The following ANKMY1 variants were observed in gnomAD, a reference collection of about 807,000 sequenced individuals.
The protein encoded by ANKMY1 is ankyrin repeat and MYND domain containing 1.
In ANKMY1, 98 loss-of-function variants were observed where a neutral mutation model predicts 102.0. That is an observed-to-expected ratio of 0.96 (90% CI 0.82 to 1.14). The LOEUF (loss-of-function observed/expected upper bound fraction) is 1.14, where lower values mean the gene tolerates loss of function less well. ANKMY1 is among the 50% of genes most tolerant of loss of function. ANKMY1 has a pLI of 0.00. For missense variants in ANKMY1, 1,330 were observed against 1,347.6 expected, an observed-to-expected ratio of 0.99 and a Z score of 0.20; for synonymous variants, 582 against 559.9, an observed-to-expected ratio of 1.04 and a Z score of -0.56.
intron 10 of ANKMY1, among the ~76,000 whole-genome samples, chr2:240,512,239 C>T (rs554210300): frequency 1.3e-5 from 2 of 152,372 alleles, no homozygotes; most frequent in African/African-American, 2.4e-5. Flanking sequence ...ACGTCCCCCA[C>T]GCAGTGGGTG....
chr2:240,526,664 G>C, intron 5 of ANKMY1: 2 of 1,430,702 alleles, frequency 1.4e-6, no homozygotes, highest in Non-Finnish European at 1.8e-6. Flanking sequence ...TGGAGGTCAA[G>C]ATGCTTGGGC....
In ANKMY1 at chr2:240,481,032, G is replaced by C; in HGVS notation, c.2951C>G (p.Pro984Arg). ...GCAGGTCAGGATCCCGTAGCAGCGA[G>C]GGCAGGGCAAGAGGCGGACCCCGAT... The part of the protein sequence containing the change: ...RSIGVRLLPC[P>R]RCYGILTCSK... The change falls in exon 17 of 18, where the codon CCT becomes CGT. Residue 984 changes from proline to arginine, a missense_variant. Transcript: ENST00000401804. The C allele has an allele frequency of 6.2e-7, 1 of 1,613,994 alleles. No individual in the cohort carries two copies. Among genetic ancestry groups the C allele is most frequent in the African/African-American group, 1.3e-5 (1 of 75,060 alleles).
chr2:240,557,458 C>A (rs1019131807), intron 1 of ANKMY1, 106 bp from the exon 2 acceptor site: 19 of 1,336,988 alleles, frequency 1.4e-5, no homozygotes, highest in Non-Finnish European at 1.9e-5. Context: ...AGAACCCAAG[C>A]CCCTCCCTGA....
intron 13 of ANKMY1, among the ~76,000 whole-genome samples, chr2:240,501,026 G>A (rs1355785293): frequency 6.6e-6 from 1 of 152,174 alleles, no homozygotes; most frequent in Non-Finnish European, 1.5e-5. Flanking sequence ...GTGGGGCGGG[G>A]GGCCAGTGTG....
the ANKMY1 span, among the ~76,000 whole-genome samples, chr2:240,469,532 G>T: frequency 6.6e-6 from 1 of 152,220 alleles, no homozygotes; most frequent in East Asian, 1.9e-4. Flanking sequence ...CCCTTGAGCA[G>T]CTCAGCCCAG....
At position 240,526,658 on chromosome 2, in the gene ANKMY1, G is replaced by A. The variant is rs1198098680; in HGVS notation, c.954-213C>T. The A allele has an allele frequency of 2.8e-6, 4 of 1,432,066 alleles. No homozygotes were observed. In the South Asian group the frequency reaches 4.5e-5, roughly 16 times the overall value. 88.7% of individuals were successfully genotyped at this position (1,432,066 alleles called of 1,614,324 possible). On this transcript the variant is annotated intron_variant, in intron 5 of 17. Coordinates refer to ENST00000401804, the MANE Select transcript of ANKMY1 (RefSeq NM_001282771.3). ...CGGTGGTGCAGACATGCCACCTGGAGGTCAAGATGCTTGGGCTATATGTCT... is the reference window on the plus strand; with the variant it reads ...CGGTGGTGCAGACATGCCACCTGGAAGTCAAGATGCTTGGGCTATATGTCT...
At chr2:240,482,309 G>A in intron 15 of ANKMY1, 48 bp from the exon 16 acceptor site, 1 of 1,549,346 alleles carries the variant, frequency 6.5e-7, no homozygotes, top group Non-Finnish European at 8.8e-7. Context: ...CAGGGTGGGG[G>A]CCACCACTGC....
rs1436276165 is a variant in ANKMY1, at chr2:240,499,118, G to T, written c.2806+840C>A. ...AAGGCACCTGGGGTGTTGCTCAGTG[G>T]GGGACTGTGTGAGGCTGCAGGAGGC... On this transcript the variant is annotated intron_variant, in intron 15 of 17. Transcript: ENST00000401804. This position sits in a 1 kb window ranked among gnomAD's most constrained non-coding sequence, Gnocchi z 4.2. Among the ~76,000 whole-genome samples, 1 of 152,142 alleles carries T rather than the reference G, an allele frequency of 6.6e-6. No individual in the cohort carries two copies. Among genetic ancestry groups the T allele is most frequent in the African/African-American group, 2.4e-5 (1 of 41,428 alleles).
At chr2:240,525,943 C>T in intron 6 of ANKMY1, 94 bp from the exon 7 acceptor site, 1 of 1,459,790 alleles carries the variant, frequency 6.9e-7, no homozygotes, top group Middle Eastern at 1.8e-4. Context: ...TGAGGCCACC[C>T]TATGGCAGGG....
intron 6 of ANKMY1, 154 bp downstream of exon 6, chr2:240,526,075 G>T: frequency 9.6e-7 from 1 of 1,044,628 alleles, no homozygotes; most frequent in Non-Finnish European, 1.4e-6. Context: ...AGCTGAGTGG[G>T]TTTCTGCTGA....
At chr2:240,547,941 G>A (rs559212316) in intron 4 of ANKMY1, among the ~76,000 whole-genome samples, 2 of 152,262 alleles carry the variant, frequency 1.3e-5, no homozygotes, top group South Asian at 4.1e-4. Flanking sequence ...GGTACAAGGG[G>A]GAACTGGTAC....
chr2:240,542,520 C>G (rs1315684817), intron 4 of ANKMY1, among the ~76,000 whole-genome samples: 1 of 151,242 alleles, frequency 6.6e-6, no homozygotes, highest in African/African-American at 2.4e-5. Flanking sequence ...AAAAAAAAAT[C>G]AAACTGCCAT....
At chr2:240,487,711 T>C (rs541299173) in intron 15 of ANKMY1, among the ~76,000 whole-genome samples, 42 of 152,216 alleles carry the variant, frequency 2.8e-4, no homozygotes, top group African/African-American at 9.9e-4. Context: ...AGCTATTCTT[T>C]TGTTTTTTTT....
chr2:240,476,048 A>G (rs1487794992), downstream of ANKMY1, among the ~76,000 whole-genome samples: 1 of 152,244 alleles, frequency 6.6e-6, no homozygotes, highest in Non-Finnish European at 1.5e-5. Flanking sequence ...AGCTAAAGCA[A>G]TCTTGCAAAA....
chr2:240,527,600 T>G (rs1158376156), intron 5 of ANKMY1: 3 of 150,252 alleles, frequency 2.0e-5, no homozygotes, highest in African/African-American at 7.3e-5. Flanking sequence ...GATGAGTGGA[T>G]GGCTGGATAA....
chr2:240,477,984 A>C (rs1401369507), downstream of ANKMY1, among the ~76,000 whole-genome samples: 1 of 152,098 alleles, frequency 6.6e-6, no homozygotes, highest in Non-Finnish European at 1.5e-5. Context: ...TCTCATGTTA[A>C]ATTGTAATCC....
intron 10 of ANKMY1, 50 bp from the exon 11 acceptor site, chr2:240,512,051 C>T: frequency 1.3e-6 from 2 of 1,483,588 alleles, no homozygotes; most frequent in Non-Finnish European, 1.8e-6. Flanking sequence ...GCCGTGTGCC[C>T]ACGGGAAGGC....
chr2:240,551,080 C>A (rs903211093), intron 4 of ANKMY1, among the ~76,000 whole-genome samples: 1 of 151,904 alleles, frequency 6.6e-6, no homozygotes. Flanking sequence ...ATAAACATTG[C>A]TCACCCAATA....
chr2:240,517,829 T>C (rs188812807), intron 9 of ANKMY1, among the ~76,000 whole-genome samples: 4 of 152,072 alleles, frequency 2.6e-5, no homozygotes, highest in African/African-American at 9.7e-5. Flanking sequence ...GGACAATAAT[T>C]CTTTCTGCAC....
Sources: allele counts gnomAD v4.1 joint callset (sites outside exome capture counted in the v4.1 genomes callset), GRCh38; gene constraint gnomAD v4.1.1; non-coding constraint Gnocchi (gnomAD v3.1); transcripts MANE v1.5; gene names NCBI Gene and HGNC (gene_info 2026-07-23, HGNC 2026-07-21).